The following DOCK7 variants were observed in gnomAD, a reference collection of about 807,000 sequenced individuals.
DOCK7 encodes dedicator of cytokinesis 7, also known as dedicator of cytokinesis protein 7.
In DOCK7, 138 loss-of-function variants were observed where a neutral mutation model predicts 271.0. The ratio of observed to expected loss-of-function variants is 0.51; its 90% CI spans 0.44 to 0.59. DOCK7 has a LOEUF of 0.59. DOCK7 is among the 20% of genes least tolerant of loss of function. The probability of loss-of-function intolerance (pLI) is 0.00; values close to 1 mark genes in which losing one functional copy is unlikely to be tolerated. For missense variants in DOCK7, 2,066 were observed against 2,592.4 expected (o/e 0.80, Z 4.41); for synonymous variants, 823 against 876.1 (o/e 0.94, Z 1.07).
At chr1:62,554,946 A>C (rs1241093469) in intron 21 of DOCK7, among the ~76,000 whole-genome samples, 1 of 152,258 alleles carries the variant, frequency 6.6e-6, no homozygotes, top group Non-Finnish European at 1.5e-5. Flanking sequence ...TTCATAACGA[A>C]CGTCACAATT....
intron 31 of DOCK7, among the ~76,000 whole-genome samples, chr1:62,521,977 A>AAAAAT (rs1363869321): frequency 2.6e-5 from 4 of 152,190 alleles, no homozygotes; most frequent in East Asian, 1.9e-4. Context: ...TATCATCTCA[A>AAAAAT]AAAATAAAAT....
intron 1 of DOCK7, among the ~76,000 whole-genome samples, chr1:62,678,994 T>G (rs1660824874): frequency 6.6e-6 from 1 of 152,160 alleles, no homozygotes. Context: ...AAATATCTTA[T>G]GTACCCCATA....
rs757667036 is a variant in DOCK7 at position 62,648,146 on chromosome 1, C to T, written c.692G>A (p.Arg231His). ...ATGCAAAGCAAAAAGTTCTTTGTGACGGTTTGATTTCCTTTGGTCATCATT... is the reference window on the plus strand; with the variant it reads ...ATGCAAAGCAAAAAGTTCTTTGTGATGGTTTGATTTCCTTTGGTCATCATT... ...RQNDDQRKSN[R>H]HKELFALHPS... Residue 231 changes from arginine (R) to histidine (H), a missense_variant, in exon 6 of 50, where the codon CGT (arginine) becomes CAT (histidine). Arg to His is a conservative substitution (Grantham distance 29). This residue lies in a region of DOCK7 where 1,414 missense variants were observed against 1,670.4 expected (regional missense o/e 0.85). Coordinates refer to ENST00000635253, the MANE Select transcript of DOCK7 (RefSeq NM_001367561.1). The T allele has an allele frequency of 1.3e-4, 207 of 1,613,236 alleles. No individual in the cohort carries two copies. The highest frequency in any genetic ancestry group is 1.6e-4 in the Middle Eastern group (1 of 6,080).
chr1:62,531,294 C>T (rs1645167908), intron 29 of DOCK7, among the ~76,000 whole-genome samples: 1 of 152,178 alleles, frequency 6.6e-6, no homozygotes, highest in Non-Finnish European at 1.5e-5. Flanking sequence ...ATCCACTTGT[C>T]TTCATAAAGC....
intron 7 of DOCK7, 54 bp downstream of exon 7, chr1:62,647,637 C>A (rs943324377): frequency 1.6e-5 from 22 of 1,334,176 alleles, no homozygotes; most frequent in Non-Finnish European, 2.2e-5. Context: ...TACATCACTA[C>A]TAAAATTTTA....
intron 25 of DOCK7, among the ~76,000 whole-genome samples, chr1:62,540,332 C>A (rs902451726): frequency 6.6e-6 from 1 of 152,050 alleles, no homozygotes; most frequent in Non-Finnish European, 1.5e-5. Context: ...CACTACCATG[C>A]CCAGCTAATT....
At chr1:62,527,028 G>A in intron 31 of DOCK7, among the ~76,000 whole-genome samples, 1 of 151,874 alleles carries the variant, frequency 6.6e-6, no homozygotes. Flanking sequence ...AAACCATTAA[G>A]GTATATATAC....
Position 62,607,310 on chromosome 1 carries a change from A to G in DOCK7, c.1682+11396T>C, listed in dbSNP as rs188313050. On this transcript the variant is annotated intron_variant, in intron 14 of 49. Coordinates refer to ENST00000635253, the MANE Select transcript of DOCK7 (RefSeq NM_001367561.1). ...CCATCTTCCTCACTTCTTTATATCC[A>G]TTAATATGACCAGCATGTTCCCAGT... 1.2e-4 allele frequency among the ~76,000 whole-genome samples: 18 copies of G among 152,146 alleles called. No homozygotes were observed. The East Asian group carries it at 2.5e-3, about 21-fold the overall frequency.
intron 43 of DOCK7, chr1:62,485,241 C>A (rs1203568578): frequency 1.0e-6 from 1 of 985,184 alleles, no homozygotes; most frequent in African/African-American, 1.7e-5. Flanking sequence ...AGAACTGAAA[C>A]TACCAGAGGA....
chr1:62,647,599 G>A (rs1656827600), intron 7 of DOCK7, 92 bp downstream of exon 7: 3 of 828,826 alleles, frequency 3.6e-6, no homozygotes, highest in Admixed American at 2.4e-5. Context: ...GGACACAAAT[G>A]CAACTATAAA....
chr1:62,623,567 A>T (rs1420271579), intron 12 of DOCK7, among the ~76,000 whole-genome samples: 1 of 152,246 alleles, frequency 6.6e-6, no homozygotes, highest in Non-Finnish European at 1.5e-5. Flanking sequence ...GATAAACAGC[A>T]GGCTGAAGAA....
At chr1:62,584,450 T>C in intron 15 of DOCK7, 3 of 1,024,872 alleles carry the variant, frequency 2.9e-6, no homozygotes, top group Non-Finnish European at 2.3e-6. Flanking sequence ...GTTTATATAC[T>C]CTTTCAAATC....
intron 29 of DOCK7, among the ~76,000 whole-genome samples, chr1:62,534,933 A>G (rs1645293670): frequency 6.6e-6 from 1 of 151,996 alleles, no homozygotes; most frequent in South Asian, 2.1e-4. Context: ...TCTACTACAA[A>G]AAGAAAAATT....
intron 1 of DOCK7, among the ~76,000 whole-genome samples, chr1:62,673,171 T>A (rs975476096): frequency 6.6e-6 from 1 of 152,176 alleles, no homozygotes; most frequent in African/African-American, 2.4e-5. Context: ...CACGTTGATA[T>A]GTGAAACAAA....
chr1:62,541,608 C>T (rs748147150), intron 25 of DOCK7, among the ~76,000 whole-genome samples: 16 of 152,046 alleles, frequency 1.1e-4, no homozygotes, highest in Middle Eastern at 3.2e-3. Flanking sequence ...ATTTTCTTTT[C>T]GCTAGCTTAT....
chr1:62,521,670 T>C (rs1235494997), intron 31 of DOCK7, among the ~76,000 whole-genome samples: 1 of 152,134 alleles, frequency 6.6e-6, no homozygotes, highest in Non-Finnish European at 1.5e-5. Flanking sequence ...TAGAATAAAA[T>C]TTACAAAAAT....
Position 62,476,758 on chromosome 1 carries a change from G to A in DOCK7, c.5635-602C>T, listed in dbSNP as rs1222854435. 2.6e-5 allele frequency among the ~76,000 whole-genome samples: 4 copies of A among 152,194 alleles called. No individual in the cohort carries two copies. The East Asian group carries it at 5.8e-4, about 22-fold the overall frequency. On this transcript the variant is annotated intron_variant, in intron 44 of 49. Coordinates refer to ENST00000635253, the MANE Select transcript of DOCK7 (RefSeq NM_001367561.1). ...ATGAAGCTATTCAAAAGGAAAAATC[G>A]AATTTGAATCTTCAAAGGAGAAACC...
intron 7 of DOCK7, among the ~76,000 whole-genome samples, chr1:62,647,002 GTTTCTGAATAAA>G (rs1656755099): frequency 6.6e-6 from 1 of 152,160 alleles, no homozygotes; most frequent in African/African-American, 2.4e-5. Flanking sequence ...TATCTAACAT[GTTTCTGAATAAA>G]TCTAACTAAA....
intron 25 of DOCK7, among the ~76,000 whole-genome samples, chr1:62,541,849 G>C (rs1645545218): frequency 6.6e-6 from 1 of 152,020 alleles, no homozygotes; most frequent in Non-Finnish European, 1.5e-5. Flanking sequence ...CATTTTAAAA[G>C]TGTCACTTAT....
Sources: gnomAD v4.1 joint callset for allele counts (sites outside exome capture counted in the v4.1 genomes callset) on GRCh38, gnomAD v4.1.1 for gene constraint, gnomAD v4.1.1 regional missense constraint, MANE v1.5 for transcripts, NCBI Gene and HGNC (gene_info 2026-07-23, HGNC 2026-07-21) for gene names.